The following TPX2 variants were observed in gnomAD, a reference collection of about 807,000 sequenced individuals.
TPX2 encodes the protein targeting protein for Xklp2.
Under a neutral mutation model 93.6 loss-of-function variants are expected in TPX2, and 21 were observed. That is an observed-to-expected ratio of 0.22 (90% CI 0.16 to 0.32). TPX2 has a LOEUF of 0.32. Among genes scored for constraint, TPX2 ranks in the 10% least tolerant of loss-of-function variants. The pLI is 1.00. For synonymous variants in TPX2, 281 were observed against 298.3 expected (o/e 0.94, Z 0.60); for missense variants, 776 against 871.1 (o/e 0.89, Z 1.37).
chr20:31,790,158 A>G (rs1392072286), intron 12 of TPX2, among the ~76,000 whole-genome samples: 1 of 152,178 alleles, frequency 6.6e-6, no homozygotes, highest in Non-Finnish European at 1.5e-5. Context: ...GGTAAACATC[A>G]TTTGACAACC....
At chr20:31,781,150 C>CT (rs1169878745) in intron 10 of TPX2, 1 of 162,344 alleles carries the variant, frequency 6.2e-6, no homozygotes, top group African/African-American at 2.4e-5. Flanking sequence ...TCTTGAGCTC[C>CT]TGGCCTCAAG....
chr20:31,787,425 T>C (rs1333418180), intron 12 of TPX2, among the ~76,000 whole-genome samples: 1 of 151,950 alleles, frequency 6.6e-6, no homozygotes, highest in Non-Finnish European at 1.5e-5. Flanking sequence ...AGATGTTAGA[T>C]GTGTTTTCTT....
chr20:31,750,400 C>T (rs960983450), intron 2 of TPX2, among the ~76,000 whole-genome samples: 3 of 152,022 alleles, frequency 2.0e-5, no homozygotes, highest in African/African-American at 4.8e-5. Flanking sequence ...GCGATCCGCC[C>T]GCCTTGGCCT....
In TPX2 at chr20:31,760,176, C is replaced by T; in HGVS notation, c.226C>T (p.Pro76Ser). 1 of 1,613,320 alleles carries T rather than the reference C, an allele frequency of 6.2e-7. No individual in the cohort carries two copies. The highest frequency in any genetic ancestry group is 1.1e-5 in the South Asian group (1 of 90,972). Reference sequence around the variant, plus strand: ...GCAAGCTATTGTCACACCTTTGAAACCAGGTAAGAAAACATCTTAGAAAAA... The same window carrying T: ...GCAAGCTATTGTCACACCTTTGAAATCAGGTAAGAAAACATCTTAGAAAAA... Reference protein sequence around the residue: ...LQQAIVTPLKPVDNTYYKEAE... With the variant: ...LQQAIVTPLKSVDNTYYKEAE... Residue 76 changes from proline (P) to serine (S), a missense_variant, in exon 4 of 18, where the codon CCA becomes TCA. Around this residue, in one of 3 missense-constraint regions of TPX2, gnomAD observed 279 missense variants for 261.6 expected, o/e 1.07. Coordinates refer to ENST00000300403, the MANE Select transcript of TPX2 (RefSeq NM_012112.5).
At chr20:31,766,223 C>T (rs1214520133) in intron 4 of TPX2, among the ~76,000 whole-genome samples, 1 of 152,028 alleles carries the variant, frequency 6.6e-6, no homozygotes, top group Non-Finnish European at 1.5e-5. Context: ...ATTTTCCTTA[C>T]TTTGTAAGTG....
rs551655446 is a variant in TPX2, at chr20:31,781,500, C to T, written c.1055-749C>T. On this transcript the variant is annotated intron_variant, in intron 10 of 17. Transcript: ENST00000300403. The stretch of plus-strand genomic sequence containing the variant: ...CAGGATGGTCTCGATCTCCTGACCT[C>T]GTGATCCCCCTGCCTCGGCCTCCCA... Among the ~76,000 whole-genome samples, 55 of 151,710 alleles carry T rather than the reference C, an allele frequency of 3.6e-4. No individual in the cohort carries two copies. The South Asian group carries it at 0.011, about 30-fold the overall frequency.
At chr20:31,780,473 A>G (rs2062026473) in intron 10 of TPX2, among the ~76,000 whole-genome samples, 1 of 152,226 alleles carries the variant, frequency 6.6e-6, no homozygotes, top group South Asian at 2.1e-4. Context: ...AATATTAAGC[A>G]TAACTTTTCA....
At chr20:31,756,442 T>C (rs778423384) in intron 2 of TPX2, among the ~76,000 whole-genome samples, 2 of 152,054 alleles carry the variant, frequency 1.3e-5, no homozygotes, top group Non-Finnish European at 2.9e-5. Context: ...TTTTAGAAAT[T>C]GGGTTATTCA....
intron 2 of TPX2, among the ~76,000 whole-genome samples, chr20:31,745,955 C>T (rs191438332): frequency 2.6e-5 from 4 of 152,220 alleles, no homozygotes; most frequent in Admixed American, 2.6e-4. Context: ...TAAATTATAG[C>T]AAAACTGAGT....
Position 31,757,467 on chromosome 20 carries a change from G to C in TPX2, c.-10G>C. ...GGAAAAACCTGCTCTTCTGCGTTAA[G>C]TGGGAGACAATGTCACAAGTTAAAA... On this transcript the variant is annotated 5_prime_UTR_variant, in exon 3 of 18. Coordinates refer to ENST00000300403, the MANE Select transcript of TPX2 (RefSeq NM_012112.5). 6.2e-7 allele frequency: 1 copy of C among 1,611,170 alleles called. No homozygotes were observed. The highest frequency in any genetic ancestry group is 8.5e-7 in the Non-Finnish European group (1 of 1,177,714).
In TPX2 at chr20:31,775,943, C is replaced by T. The variant is rs145341306; in HGVS notation, c.685C>T (p.Arg229Trp). 237 of 1,574,770 alleles carry T rather than the reference C, an allele frequency of 1.5e-4. 1 individual carries two copies. Among genetic ancestry groups the T allele is most frequent in the East Asian group, 1.9e-4 (8 of 41,080 alleles). ...MKMQQEVVEM[R>W]KKNEEFKKLA... ...AATGCAGCAAGAGGTGGTGGAGATG[C>T]GGAAAAAGAATGAAGAATTCAAGAA... Residue 229 changes from arginine (R) to tryptophan (W), a missense_variant, in exon 8 of 18, where the codon CGG becomes TGG. Transcript: ENST00000300403.
intron 12 of TPX2, among the ~76,000 whole-genome samples, chr20:31,787,852 G>A (rs2062076538): frequency 6.6e-6 from 1 of 152,184 alleles, no homozygotes; most frequent in South Asian, 2.1e-4. Flanking sequence ...CTGTACCTGT[G>A]AAGATAAGCT....
At chr20:31,756,157 T>C (rs779065194) in intron 2 of TPX2, among the ~76,000 whole-genome samples, 2 of 152,110 alleles carry the variant, frequency 1.3e-5, no homozygotes, top group African/African-American at 4.8e-5. Context: ...ACCTTGATGG[T>C]TGGATGGATG....
At chr20:31,767,752 C>T (rs924558161) in intron 5 of TPX2, among the ~76,000 whole-genome samples, 6 of 152,020 alleles carry the variant, frequency 3.9e-5, no homozygotes, top group African/African-American at 1.4e-4. Context: ...CAAGGTTTTA[C>T]GATGTTGCCT....
chr20:31,798,584 A>C (rs1160045493), intron 17 of TPX2, 32 bp downstream of exon 17: 5 of 1,561,964 alleles, frequency 3.2e-6, no homozygotes, highest in Non-Finnish European at 4.3e-6. Context: ...GACGAACACA[A>C]ACATGCCTCT....
chr20:31,801,682 C>G lies in TPX2; in HGVS notation c.*602C>G, dbSNP rs1272318872. 1 of 152,304 alleles carries G rather than the reference C, an allele frequency of 6.6e-6. No individual in the cohort carries two copies. Among genetic ancestry groups the G allele is most frequent in the African/African-American group, 2.4e-5 (1 of 41,442 alleles). 9.4% of individuals were successfully genotyped at this position (152,304 alleles called of 1,614,324 possible). A position where few individuals can be genotyped will look rare whatever the true frequency, so the allele number is the denominator to read the frequency against. ...AGCCTCACAGCAGCCACGCAGCAGGCTCTGGGTGGGGCTGCCGTTAAGGCA... is the reference window on the plus strand; with the variant it reads ...AGCCTCACAGCAGCCACGCAGCAGGGTCTGGGTGGGGCTGCCGTTAAGGCA... On this transcript the variant is annotated 3_prime_UTR_variant, in exon 18 of 18. Transcript: ENST00000300403.
At chr20:31,776,174 A>T in intron 8 of TPX2, among the ~76,000 whole-genome samples, 186 bp downstream of exon 8, 1 of 143,084 alleles carries the variant, frequency 7.0e-6, no homozygotes, top group Non-Finnish European at 1.5e-5. Flanking sequence ...TCCGCTTCCC[A>T]GGTTCACGCC....
intron 12 of TPX2, among the ~76,000 whole-genome samples, chr20:31,785,740 C>T (rs2123067161): frequency 6.6e-6 from 1 of 152,244 alleles, no homozygotes; most frequent in Non-Finnish European, 1.5e-5. Flanking sequence ...TCAGGTGATC[C>T]ACCCGCCTTG....
intron 4 of TPX2, among the ~76,000 whole-genome samples, chr20:31,762,799 A>G (rs2061898245): frequency 6.6e-6 from 1 of 151,704 alleles, no homozygotes; most frequent in Non-Finnish European, 1.5e-5. Context: ...CCATTTTTTG[A>G]TTTTTCAAAT....
Sources: gnomAD v4.1 joint callset for allele counts (sites outside exome capture counted in the v4.1 genomes callset) on GRCh38, gnomAD v4.1.1 for gene constraint, gnomAD v4.1.1 regional missense constraint, MANE v1.5 for transcripts, NCBI Gene and HGNC (gene_info 2026-07-23, HGNC 2026-07-21) for gene names.